DEPDC4: variants seen among roughly 807,000 people sequenced by gnomAD.
The protein encoded by DEPDC4 is DEP domain containing 4, also known as DEP domain-containing protein 4.
DEPDC4 carries 52 observed loss-of-function variants against 52.0 expected under a neutral mutation model. That is an observed-to-expected ratio of 1.00 (90% CI 0.80 to 1.26). The LOEUF (loss-of-function observed/expected upper bound fraction) is 1.26. Among genes scored for constraint, DEPDC4 ranks in the 50% most tolerant of loss-of-function variants. The probability of loss-of-function intolerance (pLI) is 0.00; values close to 1 mark genes in which losing one functional copy is unlikely to be tolerated. For missense variants in DEPDC4, 530 were observed against 546.9 expected (o/e 0.97, Z 0.31); for synonymous variants, 201 against 196.8 (o/e 1.02, Z -0.18).
intron 1 of DEPDC4, among the ~76,000 whole-genome samples, chr12:100,266,438 T>C (rs533441288): frequency 6.4e-4 from 97 of 152,202 alleles, no homozygotes; most frequent in South Asian, 1.7e-3. Flanking sequence ...AATACAGCGG[T>C]ACAGCCTGTT....
chr12:100,252,406 C>G lies in DEPDC4; in HGVS notation c.1236G>C (p.Lys412Asn), dbSNP rs944786841. The part of the protein sequence containing the change: ...MAMASEPNAY[K>N]LQKQYDNKTV... Reference sequence around the variant, plus strand: ...CAAAATTTTTCACCTGTTTTTGCAACTTGTAGGCATTGGGCTCTGATGCCA... The same window carrying G: ...CAAAATTTTTCACCTGTTTTTGCAAGTTGTAGGCATTGGGCTCTGATGCCA... The change falls in exon 6 of 10, where the codon AAG becomes AAC. Residue 412 changes from lysine (K) to asparagine (N), a missense_variant. Coordinates refer to ENST00000550587, the MANE Select transcript of DEPDC4 (RefSeq NM_001364818.2). 6 of 1,568,534 alleles carry G rather than the reference C, an allele frequency of 3.8e-6. No homozygotes were observed. Among genetic ancestry groups the G allele is most frequent in the Non-Finnish European group, 5.1e-6 (6 of 1,165,296 alleles).
intron 8 of DEPDC4, among the ~76,000 whole-genome samples, chr12:100,244,110 T>C (rs1183536971): frequency 1.8e-5 from 2 of 109,500 alleles, no homozygotes; most frequent in African/African-American, 9.3e-5. Flanking sequence ...TATATATATA[T>C]ATATATATAT....
At chr12:100,261,340 T>C (rs2096252988) in intron 3 of DEPDC4, among the ~76,000 whole-genome samples, 1 of 152,224 alleles carries the variant, frequency 6.6e-6, no homozygotes. Flanking sequence ...GCTTCTGTCA[T>C]GGTTTGACCA....
At chr12:100,277,372 A>G in the DEPDC4 span, among the ~76,000 whole-genome samples, 2 of 152,176 alleles carry the variant, frequency 1.3e-5, no homozygotes, top group African/African-American at 2.4e-5. Context: ...CTCCAACTAT[A>G]ATTATGAATT....
chr12:100,237,882 G>A (rs2096144131), downstream of DEPDC4: 1 of 163,280 alleles, frequency 6.1e-6, no homozygotes, highest in African/African-American at 2.4e-5. Flanking sequence ...ATAATTTTCT[G>A]AACAGCAGAC....
downstream of DEPDC4, among the ~76,000 whole-genome samples, chr12:100,238,668 T>C (rs11110309): frequency 8.3e-4 from 126 of 151,734 alleles, 1 homozygote; most frequent in African/African-American, 2.8e-3. Context: ...GCATTTTTAC[T>C]AGAGATGGGG....
chr12:100,252,029 T>A, intron 7 of DEPDC4, 147 bp downstream of exon 7: 2 of 701,984 alleles, frequency 2.8e-6, no homozygotes, highest in Non-Finnish European at 3.6e-6. Flanking sequence ...TGCTTTCTTC[T>A]CTTTTGTGGG....
chr12:100,231,701 C>A (rs2096135164), intron 9 of DEPDC4, among the ~76,000 whole-genome samples: 1 of 152,064 alleles, frequency 6.6e-6, no homozygotes, highest in Admixed American at 6.6e-5. Flanking sequence ...ATTTAGCATC[C>A]TTGAGCCATC....
At chr12:100,279,033 T>C in the DEPDC4 span, among the ~76,000 whole-genome samples, 3 of 152,224 alleles carry the variant, frequency 2.0e-5, no homozygotes, top group African/African-American at 7.2e-5. Context: ...ATTTGGTATA[T>C]CTATGTATGG....
At chr12:100,267,388 A>G, upstream of DEPDC4, 1 of 256,264 alleles carries the variant, frequency 3.9e-6, no homozygotes, top group Non-Finnish European at 7.5e-6. Flanking sequence ...CTCCTGGAAG[A>G]AGGAAGAGGT....
the DEPDC4 span, among the ~76,000 whole-genome samples, chr12:100,280,999 A>G: frequency 1.3e-5 from 1 of 76,116 alleles, no homozygotes; most frequent in African/African-American, 4.9e-5. Context: ...TGTGTATTTT[A>G]TTGTCCCTTT....
downstream of DEPDC4, among the ~76,000 whole-genome samples, chr12:100,239,894 A>C (rs2096151979): frequency 6.6e-6 from 1 of 152,048 alleles, no homozygotes; most frequent in African/African-American, 2.4e-5. Context: ...CAAACAAACA[A>C]ACTAAACCTC....
Position 100,252,184 on chromosome 12 carries a change from G to A in DEPDC4, c.1366C>T (p.Leu456Phe), listed in dbSNP as rs1663151920. The A allele has an allele frequency of 2.4e-6, 3 of 1,241,318 alleles. No homozygotes were observed. The highest frequency in any genetic ancestry group is 3.1e-6 in the Non-Finnish European group (3 of 981,338). The allele number at this position is 1,241,318 out of a possible 1,614,324, so 76.9% of individuals were successfully genotyped here. A position where few individuals can be genotyped will look rare whatever the true frequency, so the allele number is the denominator to read the frequency against. ...VWFPLEYHSELFKTPVTLLDL... is the reference protein window; with the variant it reads ...VWFPLEYHSEFFKTPVTLLDL... The stretch of plus-strand genomic sequence containing the variant: ...CAAAATGCCAGAGATACCTTGAAGA[G>A]CTCAGAGTGGTACTCCAGTGGAAAC... Residue 456 changes from leucine to phenylalanine, a missense_variant, in exon 7 of 10, where the codon CTC becomes TTC. By Grantham distance (22) the Leu-to-Phe change is conservative. Coordinates refer to ENST00000550587, the MANE Select transcript of DEPDC4 (RefSeq NM_001364818.2).
chr12:100,245,818 AT>A (rs925634831), intron 8 of DEPDC4, among the ~76,000 whole-genome samples: 2 of 152,212 alleles, frequency 1.3e-5, no homozygotes, highest in Non-Finnish European at 2.9e-5. Context: ...TTCCTTAAAA[AT>A]AATTTTTAAT....
chr12:100,259,081 A>AAAAAAAAAT (rs543577636), intron 3 of DEPDC4, among the ~76,000 whole-genome samples: 12 of 149,092 alleles, frequency 8.0e-5, no homozygotes, highest in African/African-American at 2.3e-4. Flanking sequence ...AAAAAAAAAA[A>AAAAAAAAAT]ATATATATAT....
In DEPDC4 at chr12:100,252,406, C is replaced by T; in HGVS notation, c.1236G>A (p.Lys412=). The change falls in exon 6 of 10, where the codon AAG becomes AAA. Residue 412 remains lysine (K), a synonymous_variant. Transcript: ENST00000550587. ...MAMASEPNAY[K]LQKQYDNKTV... ...CAAAATTTTTCACCTGTTTTTGCAACTTGTAGGCATTGGGCTCTGATGCCA... is the reference window on the plus strand; with the variant it reads ...CAAAATTTTTCACCTGTTTTTGCAATTTGTAGGCATTGGGCTCTGATGCCA... 1.3e-6 allele frequency: 2 copies of T among 1,568,652 alleles called. No homozygotes were observed. Among genetic ancestry groups the T allele is most frequent in the Non-Finnish European group, 1.7e-6 (2 of 1,165,288 alleles).
chr12:100,263,233 T>A (rs1185423953), intron 2 of DEPDC4, among the ~76,000 whole-genome samples: 1 of 152,228 alleles, frequency 6.6e-6, no homozygotes, highest in Non-Finnish European at 1.5e-5. Context: ...TGGGCCACCC[T>A]ACCTGGCCAA....
chr12:100,262,379 T>C lies in DEPDC4; in HGVS notation c.585A>G (p.Leu195=), dbSNP rs749526506. 3.7e-6 allele frequency: 6 copies of C among 1,610,636 alleles called. No individual in the cohort carries two copies. In the East Asian group the frequency reaches 1.3e-4, roughly 36 times the overall value. The change falls in exon 3 of 10, where the codon CTA becomes CTG. Residue 195 remains leucine, a synonymous_variant. Coordinates refer to ENST00000550587, the MANE Select transcript of DEPDC4 (RefSeq NM_001364818.2). Reference sequence around the variant, plus strand: ...TTCTTTCCTCACCAATCTCCTGTGCTAGAGGATTTGAAATCATTTCATATC... The same window carrying C: ...TTCTTTCCTCACCAATCTCCTGTGCCAGAGGATTTGAAATCATTTCATATC... ...RPGYEMISNP[L]AQEIGEERIE...
At chr12:100,276,794 T>A in the DEPDC4 span, among the ~76,000 whole-genome samples, 17 of 152,220 alleles carry the variant, frequency 1.1e-4, no homozygotes, top group East Asian at 3.3e-3. Context: ...CCTCCTCTTC[T>A]ACTTATTTTA....
Sources: allele counts gnomAD v4.1 joint callset (sites outside exome capture counted in the v4.1 genomes callset), GRCh38; gene constraint gnomAD v4.1.1; transcripts MANE v1.5; gene names NCBI Gene and HGNC (gene_info 2026-07-23, HGNC 2026-07-21).